NXPH1: variants seen among roughly 807,000 people sequenced by gnomAD.
NXPH1 encodes the protein neurexophilin 1.
Under a neutral mutation model 23.7 loss-of-function variants are expected in NXPH1, and 5 were observed. The observed-to-expected ratio is 0.21, with a 90% confidence interval of 0.11 to 0.44. The LOEUF is 0.44. NXPH1 is among the 20% of genes least tolerant of loss of function. The pLI is 0.99. For synonymous variants in NXPH1, 144 were observed against 122.2 expected (o/e 1.18, Z -1.18); for missense variants, 324 against 321.6 (o/e 1.01, Z -0.06).
intron 2 of NXPH1, among the ~76,000 whole-genome samples, chr7:8,491,723 C>T (rs1226087173): frequency 6.6e-6 from 1 of 152,014 alleles, no homozygotes; most frequent in Non-Finnish European, 1.5e-5. Context: ...GGGATTCTCA[C>T]AGTACTTTTC....
At chr7:8,625,295 G>T (rs1819963595) in intron 2 of NXPH1, among the ~76,000 whole-genome samples, 1 of 152,104 alleles carries the variant, frequency 6.6e-6, no homozygotes, top group Non-Finnish European at 1.5e-5. Flanking sequence ...TTATTTTAAA[G>T]AACTGAGGAG....
intron 2 of NXPH1, 83 bp from the exon 3 acceptor site, chr7:8,750,925 A>G (rs1780552851): frequency 7.6e-7 from 1 of 1,322,862 alleles, no homozygotes; most frequent in Non-Finnish European, 1.1e-6. Flanking sequence ...TAATCCTGAG[A>G]CTCAGAGAAG....
intron 2 of NXPH1, among the ~76,000 whole-genome samples, chr7:8,667,186 A>G (rs1463426901): frequency 6.6e-6 from 1 of 151,990 alleles, no homozygotes; most frequent in Non-Finnish European, 1.5e-5. Flanking sequence ...ATACTTTTGC[A>G]TTTTACTCTT....
At position 8,448,125 on chromosome 7, in the gene NXPH1, A is replaced by G. The variant is rs374910911; in HGVS notation, c.54+12358A>G. Among the ~76,000 whole-genome samples the G allele has an allele frequency of 3.9e-5, 6 of 152,358 alleles. No homozygotes were observed. The East Asian group carries it at 1.2e-3, about 29-fold the overall frequency. ...AAGGTAATGGCAAAGTATTTCCTTA[A>G]TTCTGTGACTTTGGGCAAGCTTAAC... is the stretch of plus-strand genomic sequence containing the variant. On this transcript the variant is annotated intron_variant, in intron 2 of 2. Coordinates refer to ENST00000405863, the MANE Select transcript of NXPH1 (RefSeq NM_152745.3).
chr7:8,522,634 A>G (rs1013237995), intron 2 of NXPH1, among the ~76,000 whole-genome samples: 4 of 152,096 alleles, frequency 2.6e-5, no homozygotes, highest in African/African-American at 9.7e-5. Context: ...ATTTTATTCC[A>G]TTGTCATTTA....
chr7:8,510,805 T>C (rs1304193263), intron 2 of NXPH1, among the ~76,000 whole-genome samples: 1 of 152,142 alleles, frequency 6.6e-6, no homozygotes, highest in Non-Finnish European at 1.5e-5. Flanking sequence ...GATTAGTATA[T>C]ATTTAAGGCA....
chr7:8,684,544 A>G (rs1821116244), intron 2 of NXPH1, among the ~76,000 whole-genome samples: 2 of 152,188 alleles, frequency 1.3e-5, no homozygotes, highest in Admixed American at 6.5e-5. Flanking sequence ...GATACTAAGC[A>G]CTAACGATCC....
At chr7:8,646,141 T>G (rs1820396952) in intron 2 of NXPH1, among the ~76,000 whole-genome samples, 1 of 152,166 alleles carries the variant, frequency 6.6e-6, no homozygotes, top group Non-Finnish European at 1.5e-5. Flanking sequence ...TTTTAAATGG[T>G]CTTAAAATAT....
chr7:8,504,344 G>C (rs1397863746), intron 2 of NXPH1, among the ~76,000 whole-genome samples: 1 of 151,592 alleles, frequency 6.6e-6, no homozygotes, highest in Admixed American at 6.6e-5. Context: ...CTTTCATTTT[G>C]TTTATATATA....
intron 2 of NXPH1, among the ~76,000 whole-genome samples, chr7:8,653,465 C>T (rs980653500): frequency 1.3e-5 from 2 of 152,134 alleles, no homozygotes; most frequent in Non-Finnish European, 2.9e-5. Flanking sequence ...CATTAGCTAC[C>T]GTAAAAATAG....
chr7:8,578,450 T>G (rs1818795786), intron 2 of NXPH1, among the ~76,000 whole-genome samples: 1 of 152,220 alleles, frequency 6.6e-6, no homozygotes, highest in South Asian at 2.1e-4. Flanking sequence ...CAGTTACAAT[T>G]CGAGCTTTTC....
intron 2 of NXPH1, among the ~76,000 whole-genome samples, chr7:8,479,933 A>G (rs966284539): frequency 1.3e-5 from 2 of 152,192 alleles, no homozygotes; most frequent in African/African-American, 4.8e-5. Flanking sequence ...AAATGGGTAA[A>G]TAGAGGGAAA....
intron 2 of NXPH1, among the ~76,000 whole-genome samples, chr7:8,540,297 T>C (rs1325958385): frequency 1.3e-5 from 2 of 151,852 alleles, no homozygotes; most frequent in Non-Finnish European, 2.9e-5. Context: ...CTGGGACTTC[T>C]GCTGTCGGTA....
chr7:8,737,025 TG>T (rs1780269771), intron 2 of NXPH1, among the ~76,000 whole-genome samples: 2 of 152,100 alleles, frequency 1.3e-5, no homozygotes, highest in South Asian at 4.1e-4. Flanking sequence ...CGTGCGTGTG[TG>T]TTTGCATGTC....
intron 2 of NXPH1, among the ~76,000 whole-genome samples, chr7:8,450,086 TGTA>T (rs992771108): frequency 1.3e-5 from 2 of 152,242 alleles, no homozygotes; most frequent in Non-Finnish European, 2.9e-5. Flanking sequence ...CTCAGTCATC[TGTA>T]GTAGATTTAA....
At chr7:8,658,894 A>C (rs1820625664) in intron 2 of NXPH1, among the ~76,000 whole-genome samples, 1 of 152,144 alleles carries the variant, frequency 6.6e-6, no homozygotes, top group Non-Finnish European at 1.5e-5. Flanking sequence ...AAAAGAAATA[A>C]TGAATTATAT....
chr7:8,578,112 G>A (rs1034676540), intron 2 of NXPH1, among the ~76,000 whole-genome samples: 3 of 152,244 alleles, frequency 2.0e-5, no homozygotes, highest in East Asian at 1.9e-4. Flanking sequence ...CTTTTGGGGC[G>A]ATTTGTTACA....
intron 2 of NXPH1, among the ~76,000 whole-genome samples, chr7:8,438,877 T>C (rs968464876): frequency 6.6e-6 from 1 of 152,224 alleles, no homozygotes; most frequent in Non-Finnish European, 1.5e-5. Flanking sequence ...AATAGAAGCT[T>C]ATTTTAGTAC....
At chr7:8,505,952 T>C (rs1186488948) in intron 2 of NXPH1, among the ~76,000 whole-genome samples, 1 of 152,062 alleles carries the variant, frequency 6.6e-6, no homozygotes, top group East Asian at 1.9e-4. Flanking sequence ...TGCATTTTTA[T>C]AGTGTCCATA....
Sources: allele counts gnomAD v4.1 joint callset (sites outside exome capture counted in the v4.1 genomes callset), GRCh38; gene constraint gnomAD v4.1.1; transcripts MANE v1.5; gene names NCBI Gene and HGNC (gene_info 2026-07-23, HGNC 2026-07-21).